GDI2: variants seen among roughly 807,000 people sequenced by gnomAD.
GDI2 encodes the protein GDP dissociation inhibitor 2.
In GDI2, 22 loss-of-function variants were observed where a neutral mutation model predicts 54.2. The ratio of observed to expected loss-of-function variants is 0.41; its 90% CI spans 0.29 to 0.58. GDI2 has a LOEUF of 0.58. GDI2 is among the 20% of genes least tolerant of loss of function. The pLI, the probability that GDI2 is intolerant of heterozygous loss-of-function variation, is 0.35. For missense variants in GDI2, 422 were observed against 546.0 expected (o/e 0.77, Z 2.26); for synonymous variants, 177 against 182.1 (o/e 0.97, Z 0.23).
intron 2 of GDI2, among the ~76,000 whole-genome samples, chr10:5,799,377 C>T (rs867219925): frequency 6.6e-6 from 1 of 152,266 alleles, no homozygotes; most frequent in South Asian, 2.1e-4. Flanking sequence ...AGCGCTCGGG[C>T]GTGGTGGCTC....
intron 7 of GDI2, among the ~76,000 whole-genome samples, chr10:5,771,290 T>C (rs1451916713): frequency 6.6e-6 from 1 of 152,210 alleles, no homozygotes; most frequent in African/African-American, 2.4e-5. Context: ...AGTTTTAGAA[T>C]TGGGCAGATC....
chr10:5,783,137 G>A (rs1423248204), intron 6 of GDI2, among the ~76,000 whole-genome samples: 3 of 152,098 alleles, frequency 2.0e-5, no homozygotes, highest in Non-Finnish European at 4.4e-5. Context: ...GAACTTTATG[G>A]GGTGAGGAAA....
chr10:5,786,778 TA>T (rs1840890653), intron 4 of GDI2, among the ~76,000 whole-genome samples: 1 of 152,220 alleles, frequency 6.6e-6, no homozygotes, highest in African/African-American at 2.4e-5. Context: ...CTCTGTATGC[TA>T]AGATACAACC....
chr10:5,798,000 A>G (rs745552354), intron 2 of GDI2, among the ~76,000 whole-genome samples: 30 of 152,256 alleles, frequency 2.0e-4, no homozygotes, highest in Admixed American at 5.9e-4. Flanking sequence ...TTACTGAGGT[A>G]TAACTGATAC....
intron 7 of GDI2, among the ~76,000 whole-genome samples, chr10:5,771,941 T>C (rs2131683009): frequency 6.6e-6 from 1 of 152,112 alleles, no homozygotes; most frequent in Middle Eastern, 3.4e-3. Context: ...AATACAAAAA[T>C]TAGCTGGGCA....
intron 3 of GDI2, 59 bp downstream of exon 3, chr10:5,796,704 T>C: frequency 3.5e-6 from 3 of 868,818 alleles, no homozygotes; most frequent in Non-Finnish European, 5.9e-6. Flanking sequence ...CAAAAGTTAG[T>C]TTTGATATTA....
At chr10:5,780,226 AAAC>A (rs1840723597) in intron 6 of GDI2, among the ~76,000 whole-genome samples, 1 of 102,730 alleles carries the variant, frequency 9.7e-6, no homozygotes, top group African/African-American at 2.9e-5. Context: ...AAAAACAAAC[AAAC>A]AAACAAACAA....
chr10:5,800,532 G>C (rs1346459675), intron 2 of GDI2, 66 bp downstream of exon 2: 1 of 817,368 alleles, frequency 1.2e-6, no homozygotes, highest in East Asian at 2.4e-5. Context: ...TAAGGAATAA[G>C]GTAGAGATTC....
intron 7 of GDI2, among the ~76,000 whole-genome samples, chr10:5,773,197 CTTAATG>C (rs200412964): frequency 6.6e-6 from 1 of 151,818 alleles, no homozygotes; most frequent in Non-Finnish European, 1.5e-5. Flanking sequence ...TCCCACACAG[CTTAATG>C]TTAAAAAGAT....
intron 4 of GDI2, among the ~76,000 whole-genome samples, chr10:5,792,283 T>C (rs1841035725): frequency 6.6e-6 from 1 of 152,094 alleles, no homozygotes; most frequent in African/African-American, 2.4e-5. Flanking sequence ...ATCTGTAAAA[T>C]AAAAAATAGT....
Position 5,766,060 on chromosome 10 carries a change from C to G in GDI2, c.1284G>C (p.Glu428Asp). Residue 428 changes from glutamate (E) to aspartate (D), a missense_variant, in exon 11 of 11, where the codon GAG (glutamate) becomes GAC (aspartate). By Grantham distance (45) the Glu-to-Asp change is conservative. Coordinates refer to ENST00000380191, the MANE Select transcript of GDI2 (RefSeq NM_001494.4). The surrounding 1 kb of genome is among the most constrained non-coding windows in gnomAD (Gnocchi z 5.8). ...TGCGCTTCATTTCCTCAAAGTCAAA[C>G]TCTGATCCTGTCATCCTCTTATAGA... is the stretch of plus-strand genomic sequence containing the variant. ...KNIYKRMTGS[E>D]FDFEEMKRKK... The G allele has an allele frequency of 1.3e-6, 2 of 1,599,132 alleles. No individual in the cohort carries two copies. Among genetic ancestry groups the G allele is most frequent in the Non-Finnish European group, 1.7e-6 (2 of 1,176,260 alleles).
intron 3 of GDI2, among the ~76,000 whole-genome samples, chr10:5,796,351 A>AAC (rs1841148476): frequency 1.5e-5 from 1 of 68,100 alleles, no homozygotes; most frequent in Non-Finnish European, 3.8e-5. Context: ...TCCGTCTCAA[A>AAC]AAAAAAAAAA....
intron 5 of GDI2, among the ~76,000 whole-genome samples, chr10:5,785,602 C>T (rs1321096875): frequency 3.3e-5 from 5 of 152,158 alleles, no homozygotes; most frequent in Non-Finnish European, 7.4e-5. Flanking sequence ...TCTTGAACTC[C>T]TGACCTCAAA....
chr10:5,801,578 A>AG (rs1288601093), intron 1 of GDI2, among the ~76,000 whole-genome samples: 1 of 152,168 alleles, frequency 6.6e-6, no homozygotes, highest in Non-Finnish European at 1.5e-5. Context: ...CAAGAGGCCA[A>AG]GGCAGGTGAA....
chr10:5,772,893 C>G (rs968412036), intron 7 of GDI2, among the ~76,000 whole-genome samples: 1 of 152,094 alleles, frequency 6.6e-6, no homozygotes, highest in Non-Finnish European at 1.5e-5. Context: ...AATTCCAATT[C>G]TACCTCAGCC....
intron 1 of GDI2, among the ~76,000 whole-genome samples, chr10:5,807,926 G>C (rs1238357779): frequency 6.6e-6 from 1 of 152,176 alleles, no homozygotes; most frequent in Non-Finnish European, 1.5e-5. Flanking sequence ...AGTAACAATG[G>C]TATGCTGAAA....
intron 6 of GDI2, 94 bp downstream of exon 6, chr10:5,785,048 C>T (rs1180462447): frequency 1.3e-6 from 1 of 760,624 alleles, no homozygotes; most frequent in Admixed American, 2.8e-5. Context: ...TACTCATAGA[C>T]TGATCTCATC....
chr10:5,795,802 AC>A (rs1313421687), intron 3 of GDI2, among the ~76,000 whole-genome samples: 1 of 152,088 alleles, frequency 6.6e-6, no homozygotes, highest in African/African-American at 2.4e-5. Flanking sequence ...GTGGTGGAAC[AC>A]CCAGGTGTGG....
intron 6 of GDI2, among the ~76,000 whole-genome samples, chr10:5,782,262 CATA>C (rs1265497423): frequency 2.0e-5 from 3 of 152,072 alleles, no homozygotes; most frequent in Non-Finnish European, 4.4e-5. Context: ...AAATTAAAAC[CATA>C]ATGAGATAGC....
Sources: allele counts gnomAD v4.1 joint callset (sites outside exome capture counted in the v4.1 genomes callset), GRCh38; gene constraint gnomAD v4.1.1; non-coding constraint Gnocchi (gnomAD v3.1); transcripts MANE v1.5; gene names NCBI Gene and HGNC (gene_info 2026-07-23, HGNC 2026-07-21).